Variants in ROBO2 observed in about 807,000 individuals in gnomAD.
ROBO2 encodes the protein roundabout homolog 2.
A neutral mutation model predicts 160.8 loss-of-function variants in ROBO2; 53 were observed. The ratio of observed to expected loss-of-function variants is 0.33; its 90% CI spans 0.26 to 0.41. ROBO2 has a LOEUF of 0.41. ROBO2 is among the 10% of genes least tolerant of loss of function. The probability of loss-of-function intolerance (pLI) is 1.00; values close to 1 mark genes in which losing one functional copy is unlikely to be tolerated. For synonymous variants in ROBO2, 664 were observed against 611.7 expected, an observed-to-expected ratio of 1.09 and a Z score of -1.26; for missense variants, 1,577 against 1,722.4, an observed-to-expected ratio of 0.92 and a Z score of 1.49.
chr3:76,541,226 T>G (rs534653414), intron 2 of ROBO2, among the ~76,000 whole-genome samples: 14 of 152,362 alleles, frequency 9.2e-5, no homozygotes, highest in Non-Finnish European at 1.9e-4. Context: ...TAACTACTTC[T>G]TATTAGGCTT....
At chr3:77,046,612 G>A (rs1011961244) in intron 1 of ROBO2, among the ~76,000 whole-genome samples, 1 of 152,164 alleles carries the variant, frequency 6.6e-6, no homozygotes, top group Non-Finnish European at 1.5e-5. Flanking sequence ...CTACTTAGTG[G>A]TAGAGCAGAA....
intron 4 of ROBO2, 139 bp downstream of exon 4, chr3:77,481,358 T>C (rs936436165): frequency 1.2e-5 from 7 of 594,326 alleles, no homozygotes; most frequent in African/African-American, 1.9e-5. Context: ...TAGAATTATC[T>C]TGTTTTCTGT....
intron 2 of ROBO2, among the ~76,000 whole-genome samples, chr3:76,617,410 C>A (rs987678111): frequency 2.0e-5 from 3 of 152,116 alleles, no homozygotes; most frequent in Non-Finnish European, 2.9e-5. Flanking sequence ...AACAAAGAAT[C>A]TTTCTGAAAC....
At chr3:77,096,589 T>G (rs2071096170) in intron 1 of ROBO2, among the ~76,000 whole-genome samples, 1 of 151,882 alleles carries the variant, frequency 6.6e-6, no homozygotes, top group Admixed American at 6.6e-5. Context: ...GCTGGGATTA[T>G]AGGTGTCCAC....
At chr3:75,913,820 A>C (rs1294694566) in intron 1 of ROBO2, among the ~76,000 whole-genome samples, 1 of 152,256 alleles carries the variant, frequency 6.6e-6, no homozygotes, top group East Asian at 1.9e-4. Flanking sequence ...GCAGAATATA[A>C]ATTTTCAAAG....
intron 2 of ROBO2, among the ~76,000 whole-genome samples, chr3:76,185,195 G>GATATATATATATATATATATAGATAT (rs1219580267): frequency 4.5e-5 from 2 of 44,526 alleles, no homozygotes; most frequent in South Asian, 9.5e-4. Context: ...AGTAAACACA[G>GATATATATATATATATATATAGATAT]ATATATATAT....
chr3:77,317,531 T>C, intron 2 of ROBO2: 1 of 1,409,492 alleles, frequency 7.1e-7, no homozygotes, highest in Non-Finnish European at 9.9e-7. Flanking sequence ...CAAGCTTTAT[T>C]AAGCCAATCC....
At chr3:76,026,995 G>A in intron 2 of ROBO2, among the ~76,000 whole-genome samples, 1 of 151,876 alleles carries the variant, frequency 6.6e-6, no homozygotes, top group Middle Eastern at 3.2e-3. Context: ...ACTGCGCTGG[G>A]ACAATCCAAC....
chr3:76,320,186 C>G (rs1288529384), intron 2 of ROBO2, among the ~76,000 whole-genome samples: 1 of 152,094 alleles, frequency 6.6e-6, no homozygotes. Context: ...GCAAAAACAA[C>G]AATAAAACTT....
chr3:77,638,021 G>A (rs1443104743), intron 24 of ROBO2, among the ~76,000 whole-genome samples: 1 of 152,122 alleles, frequency 6.6e-6, no homozygotes, highest in East Asian at 1.9e-4. Flanking sequence ...TATAGCAAAG[G>A]AAATTTCAGC....
At chr3:77,247,458 T>C (rs1317611642) in intron 2 of ROBO2, among the ~76,000 whole-genome samples, 1 of 152,190 alleles carries the variant, frequency 6.6e-6, no homozygotes, top group African/African-American at 2.4e-5. Context: ...ACTCTACACG[T>C]GGAGGCTCAA....
At chr3:76,343,397 ATGAC>A (rs1460763828) in intron 2 of ROBO2, among the ~76,000 whole-genome samples, 5 of 152,080 alleles carry the variant, frequency 3.3e-5, no homozygotes, top group African/African-American at 4.8e-5. Flanking sequence ...TAATAAATGA[ATGAC>A]TGGTAACACA....
exon 2 of ROBO2, chr3:77,098,102 G>C (rs755914827): frequency 6.2e-7 from 1 of 1,613,824 alleles, no homozygotes; most frequent in Non-Finnish European, 8.5e-7. Context: ...CCACGACTCT[G>C]AACTGCAAGG....
chr3:77,127,636 A>G (rs1416130548), intron 2 of ROBO2, among the ~76,000 whole-genome samples: 1 of 152,164 alleles, frequency 6.6e-6, no homozygotes, highest in East Asian at 1.9e-4. Flanking sequence ...TCCGCTAGTA[A>G]ACTTAAAAAA....
intron 2 of ROBO2, among the ~76,000 whole-genome samples, chr3:76,620,225 A>G (rs2088954070): frequency 1.3e-5 from 2 of 152,194 alleles, no homozygotes; most frequent in African/African-American, 4.8e-5. Flanking sequence ...CCATTTCTCC[A>G]TGAGGATTTT....
intron 2 of ROBO2, among the ~76,000 whole-genome samples, chr3:76,445,274 T>C (rs552873859): frequency 3.9e-4 from 59 of 152,246 alleles, no homozygotes; most frequent in African/African-American, 1.4e-3. Context: ...AAACTCCAAA[T>C]TGTCAACATT....
intron 2 of ROBO2, among the ~76,000 whole-genome samples, chr3:76,214,647 G>T (rs1703378497): frequency 1.3e-5 from 2 of 152,222 alleles, no homozygotes. Flanking sequence ...GCTTGAGTAG[G>T]TAAACAAAGC....
chr3:75,918,465 G>A (rs767969570), intron 1 of ROBO2, among the ~76,000 whole-genome samples: 14 of 152,124 alleles, frequency 9.2e-5, no homozygotes, highest in Admixed American at 2.0e-4. Flanking sequence ...GTCAGGCAGC[G>A]TCATGCCTCC....
chr3:77,068,609 T>C (rs534212409), intron 1 of ROBO2, among the ~76,000 whole-genome samples: 2 of 152,146 alleles, frequency 1.3e-5, no homozygotes, highest in Admixed American at 1.3e-4. Flanking sequence ...TATAAATATA[T>C]CTTAAAATAT....
Sources: gnomAD v4.1 joint callset for allele counts (sites outside exome capture counted in the v4.1 genomes callset) on GRCh38, gnomAD v4.1.1 for gene constraint, MANE v1.5 for transcripts, NCBI Gene and HGNC (gene_info 2026-07-23, HGNC 2026-07-21) for gene names.